COPS8: variants seen among roughly 807,000 people sequenced by gnomAD.
COPS8 encodes the protein COP9 signalosome complex subunit 8.
COPS8 carries 11 observed loss-of-function variants against 31.5 expected under a neutral mutation model. The observed-to-expected ratio is 0.35, with a 90% confidence interval of 0.22 to 0.58. The LOEUF (loss-of-function observed/expected upper bound fraction) is 0.58. Ranked by LOEUF, COPS8 falls within the 20% of genes least tolerant of loss-of-function variation. The probability of loss-of-function intolerance (pLI) is 0.83; values close to 1 mark genes in which losing one functional copy is unlikely to be tolerated. For missense variants in COPS8, 215 were observed against 255.1 expected (o/e 0.84, Z 1.07); for synonymous variants, 81 against 89.3 (o/e 0.91, Z 0.52).
At position 237,099,165 on chromosome 2, in the gene COPS8, G is replaced by A. The variant is rs1696853227; in HGVS notation, c.*1423G>A. ...ACTACGCAGGTGTAAAAGGAGTGAA[G>A]ATCTCTATACTAAACTGGAATGATC... On this transcript the variant is annotated 3_prime_UTR_variant, in exon 8 of 8. Coordinates refer to ENST00000354371, the MANE Select transcript of COPS8 (RefSeq NM_006710.5). 6.6e-6 allele frequency: 1 copy of A among 152,080 alleles called. No homozygotes were observed. The highest frequency in any genetic ancestry group is 1.5e-5 in the Non-Finnish European group (1 of 67,998). 9.4% of individuals were successfully genotyped at this position (152,080 alleles called of 1,614,324 possible). A position where few individuals can be genotyped will look rare whatever the true frequency, so the allele number is the denominator to read the frequency against.
chr2:237,097,932 T>A lies in COPS8; in HGVS notation c.*190T>A. On this transcript the variant is annotated 3_prime_UTR_variant, in exon 8 of 8. Coordinates refer to ENST00000354371, the MANE Select transcript of COPS8 (RefSeq NM_006710.5). ...CCATAAACGTTATGCTGAATAGTTGTTGAAACAGTTCTCATTTTGTAGTAT... is the reference window on the plus strand; with the variant it reads ...CCATAAACGTTATGCTGAATAGTTGATGAAACAGTTCTCATTTTGTAGTAT... 1 of 462,234 alleles carries A rather than the reference T, an allele frequency of 2.2e-6. No homozygotes were observed. Among genetic ancestry groups the A allele is most frequent in the Non-Finnish European group, 3.9e-6 (1 of 258,600 alleles). 28.6% of individuals were successfully genotyped at this position (462,234 alleles called of 1,614,324 possible).
intron 6 of COPS8, 37 bp downstream of exon 6, chr2:237,095,921 C>T: frequency 7.0e-7 from 1 of 1,434,856 alleles, no homozygotes; most frequent in South Asian, 1.1e-5. Flanking sequence ...CAGCACTGGA[C>T]TCTTCTAAGA....
rs187411487 is a variant in COPS8 at position 237,098,254 on chromosome 2, C to G, written c.*512C>G. The G allele has an allele frequency of 6.5e-6, 1 of 153,776 alleles. No homozygotes were observed. Among genetic ancestry groups the G allele is most frequent in the African/African-American group, 2.4e-5 (1 of 41,452 alleles). 9.5% of individuals were successfully genotyped at this position (153,776 alleles called of 1,614,324 possible). ...GAGCCACTAATGTAAGATACAGAAA[C>G]ATAGCTGAGGAACAAATAGACCATT... is the stretch of plus-strand genomic sequence containing the variant. On this transcript the variant is annotated 3_prime_UTR_variant, in exon 8 of 8. Transcript: ENST00000354371.
chr2:237,094,244 G>A (rs1315479217), intron 5 of COPS8, 47 bp downstream of exon 5: 2 of 1,548,676 alleles, frequency 1.3e-6, no homozygotes, highest in Non-Finnish European at 1.8e-6. Flanking sequence ...GAAAATAGAA[G>A]TGTGAATTGT....
At chr2:237,096,557 G>A (rs1164258405) in intron 6 of COPS8, 1 of 493,314 alleles carries the variant, frequency 2.0e-6, no homozygotes, top group Non-Finnish European at 3.6e-6. Flanking sequence ...GAATGCCTAT[G>A]TTTAGACATT....
rs73999622 is a variant in COPS8, at chr2:237,096,814, G to A, written c.503-8G>A. 0.015 allele frequency: 23,195 copies of A among 1,594,788 alleles called. 370 individuals carry two copies. Among genetic ancestry groups the A allele is most frequent in the African/African-American group, 0.062 (4,592 of 73,528 alleles). ...AAATTGAGCTGTACATTTTTTTTTT[G>A]AATTTAGTTGCAGGGGCCCTGGATG... On this transcript the variant is annotated splice_polypyrimidine_tract_variant and splice_region_variant and intron_variant, in intron 6 of 7. Coordinates refer to ENST00000354371, the MANE Select transcript of COPS8 (RefSeq NM_006710.5).
intron 4 of COPS8, among the ~76,000 whole-genome samples, chr2:237,091,012 G>A (rs947243082): frequency 6.6e-6 from 1 of 152,142 alleles, no homozygotes; most frequent in African/African-American, 2.4e-5. Context: ...TAGTATCCTC[G>A]TGATTCAGCC....
intron 7 of COPS8, 35 bp from the exon 8 acceptor site, chr2:237,097,628 G>A (rs1357021334): frequency 6.6e-7 from 1 of 1,511,582 alleles, no homozygotes; most frequent in Middle Eastern, 1.7e-4. Flanking sequence ...ACTGTGGTAT[G>A]TAACATGAAG....
At position 237,099,731 on chromosome 2, in the gene COPS8, T is replaced by G. The variant is rs1201958852; in HGVS notation, c.*1989T>G. The G allele has an allele frequency of 6.6e-6, 1 of 152,184 alleles. No homozygotes were observed. The highest frequency in any genetic ancestry group is 2.4e-5 in the African/African-American group (1 of 41,446). The allele number at this position is 152,184 out of a possible 1,614,324, so 9.4% of individuals were successfully genotyped here. A position where few individuals can be genotyped will look rare whatever the true frequency, so the allele number is the denominator to read the frequency against. On this transcript the variant is annotated 3_prime_UTR_variant, in exon 8 of 8. Transcript: ENST00000354371. The stretch of plus-strand genomic sequence containing the variant: ...CAGATGGTGTTCTTTCATTTTCATT[T>G]GCAATTAAAAGGAATCAGAACTTAT...
At chr2:237,090,638 C>T (rs1230881768) in intron 4 of COPS8, among the ~76,000 whole-genome samples, 1 of 152,192 alleles carries the variant, frequency 6.6e-6, no homozygotes, top group African/African-American at 2.4e-5. Context: ...TCCACCTTCA[C>T]TGTATGCCTT....
chr2:237,094,125 C>G lies in COPS8; in HGVS notation c.367C>G (p.Gln123Glu), dbSNP rs151029276. The G allele has an allele frequency of 1.9e-6, 3 of 1,614,022 alleles. No homozygotes were observed. Among genetic ancestry groups the G allele is most frequent in the Non-Finnish European group, 1.7e-6 (2 of 1,179,968 alleles). Residue 123 changes from glutamine to glutamate, a missense_variant, in exon 5 of 8, where the codon CAA becomes GAA. By Grantham distance (29) the Gln-to-Glu change is conservative (BLOSUM62 2). Coordinates refer to ENST00000354371, the MANE Select transcript of COPS8 (RefSeq NM_006710.5). ...TRRRAFALVSQAYTSIIADDF... is the reference protein window; with the variant it reads ...TRRRAFALVSEAYTSIIADDF... ...GAGACGCGCCTTTGCCCTGGTCTCT[C>G]AAGCGTATACTTCAATCATCGCCGA...
chr2:237,097,566 G>A (rs1034559868), intron 7 of COPS8, 97 bp from the exon 8 acceptor site: 1 of 755,996 alleles, frequency 1.3e-6, no homozygotes, highest in Non-Finnish European at 2.2e-6. Context: ...TTAACTTACT[G>A]TTAAAAATTG....
intron 3 of COPS8, among the ~76,000 whole-genome samples, chr2:237,089,401 G>A (rs535394923): frequency 6.6e-6 from 1 of 152,146 alleles, no homozygotes; most frequent in East Asian, 1.9e-4. Context: ...TTTCAATGGC[G>A]TTAGTGGAAA....
intron 3 of COPS8, 39 bp from the exon 4 acceptor site, chr2:237,089,823 C>A: frequency 1.9e-6 from 3 of 1,597,326 alleles, no homozygotes; most frequent in Non-Finnish European, 2.6e-6. Flanking sequence ...GGTGCATTTA[C>A]AGAGTGAATA....
Position 237,088,655 on chromosome 2 carries a change from TAAGTA to T in COPS8, c.198+3_198+7del. On this transcript the variant is annotated splice_donor_5th_base_variant and intron_variant, in intron 3 of 7. Coordinates refer to ENST00000354371, the MANE Select transcript of COPS8 (RefSeq NM_006710.5). The stretch of plus-strand genomic sequence containing the variant: ...AGAATACCACCTGCTATAAAATCTG[TAAGTA>T]TCCTTTAAACCTATTTTACTGCTTT... 1 of 1,579,372 alleles carries T rather than the reference TAAGTA, an allele frequency of 6.3e-7. No individual in the cohort carries two copies. Among genetic ancestry groups the T allele is most frequent in the Non-Finnish European group, 8.7e-7 (1 of 1,154,148 alleles).
At chr2:237,090,838 C>T (rs1339813749) in intron 4 of COPS8, among the ~76,000 whole-genome samples, 2 of 152,142 alleles carry the variant, frequency 1.3e-5, no homozygotes, top group Non-Finnish European at 2.9e-5. Flanking sequence ...GAGGCAGCTA[C>T]TTTAAATGTG....
Position 237,088,031 on chromosome 2 carries a change from A to G in COPS8, c.150-574A>G, listed in dbSNP as rs146332710. 4.4e-4 allele frequency among the ~76,000 whole-genome samples: 67 copies of G among 151,164 alleles called. No homozygotes were observed. In the East Asian group the frequency reaches 5.4e-3, roughly 12 times the overall value. ...ATAACATTTTATTTTAAACTCTTCC[A>G]AAACCTTTCTTTTATATCTTTTTAA... On this transcript the variant is annotated intron_variant, in intron 2 of 7. Coordinates refer to ENST00000354371, the MANE Select transcript of COPS8 (RefSeq NM_006710.5).
chr2:237,095,902 C>T lies in COPS8; in HGVS notation c.502+18C>T, dbSNP rs909365689. The stretch of plus-strand genomic sequence containing the variant: ...AAAGCCAGGTAGGTGGAGCTTTCAC[C>T]CATTTACGCAGCACTGGACTCTTCT... On this transcript the variant is annotated intron_variant, in intron 6 of 7. Coordinates refer to ENST00000354371, the MANE Select transcript of COPS8 (RefSeq NM_006710.5). 4 of 1,578,140 alleles carry T rather than the reference C, an allele frequency of 2.5e-6. No individual in the cohort carries two copies. Among genetic ancestry groups the T allele is most frequent in the South Asian group, 1.1e-5 (1 of 90,318 alleles).
At chr2:237,093,838 C>G in intron 4 of COPS8, 3 of 1,130,712 alleles carry the variant, frequency 2.7e-6, no homozygotes, top group Non-Finnish European at 2.2e-6. Flanking sequence ...TAACCTTTTT[C>G]CATCTTTGTA....
Sources: gnomAD v4.1 joint callset for allele counts (sites outside exome capture counted in the v4.1 genomes callset) on GRCh38, gnomAD v4.1.1 for gene constraint, MANE v1.5 for transcripts, NCBI Gene and HGNC (gene_info 2026-07-23, HGNC 2026-07-21) for gene names.